DIXDC1: variants seen among roughly 807,000 people sequenced by gnomAD.
The protein encoded by DIXDC1 is dixin.
Under a neutral mutation model 103.1 loss-of-function variants are expected in DIXDC1, and 64 were observed. That is an observed-to-expected ratio of 0.62 (90% confidence interval 0.51 to 0.76). DIXDC1 has a LOEUF of 0.76. Ranked by LOEUF, DIXDC1 falls within the 30% of genes least tolerant of loss-of-function variation. DIXDC1 has a pLI of 0.00. For missense variants in DIXDC1, 759 were observed against 834.2 expected (o/e 0.91, Z 1.11); for synonymous variants, 266 against 298.5 (o/e 0.89, Z 1.12).
At chr11:111,927,951 G>A (rs1258335397) in intron 1 of DIXDC1, among the ~76,000 whole-genome samples, 1 of 147,572 alleles carries the variant, frequency 6.8e-6, no homozygotes, top group Non-Finnish European at 1.5e-5. Flanking sequence ...GGGAGGCGGA[G>A]GTTGCAGTGA....
In DIXDC1 at chr11:111,998,695, G is replaced by A. The variant is rs1168161802; in HGVS notation, c.1756+2549G>A. On this transcript the variant is annotated intron_variant, in intron 17 of 19. Transcript: ENST00000440460. This position sits in a 1 kb window ranked among gnomAD's most constrained non-coding sequence, Gnocchi z 4.1. ...ATTACAGGCGCCCGCCACCACGCCC[G>A]GCTAATTTTTTGTATTTTAGTAGAG... Among the ~76,000 whole-genome samples, 3 of 152,004 alleles carry A rather than the reference G, an allele frequency of 2.0e-5. No individual in the cohort carries two copies. The highest frequency in any genetic ancestry group is 3.4e-3 in the Middle Eastern group (1 of 294).
intron 1 of DIXDC1, among the ~76,000 whole-genome samples, chr11:111,953,921 C>G (rs985665145): frequency 6.6e-6 from 1 of 151,714 alleles, no homozygotes; most frequent in East Asian, 1.9e-4. Context: ...AAATATTTGA[C>G]AAAAGAAACG....
rs1178346419 is a variant in DIXDC1, at chr11:112,019,137, T to A, written c.*101T>A. On this transcript the variant is annotated 3_prime_UTR_variant, in exon 20 of 20. Transcript: ENST00000440460. ...CAGAATACACTAAGAAGTTTCTAGTTTGTGTGCCAAAACAGAAGCTTCTCC... is the reference window on the plus strand; with the variant it reads ...CAGAATACACTAAGAAGTTTCTAGTATGTGTGCCAAAACAGAAGCTTCTCC... 2 of 1,002,222 alleles carry A rather than the reference T, an allele frequency of 2.0e-6. No individual in the cohort carries two copies. Among genetic ancestry groups the A allele is most frequent in the African/African-American group, 3.2e-5 (2 of 62,012 alleles). The allele number at this position is 1,002,222 out of a possible 1,614,324, so 62.1% of individuals were successfully genotyped here.
At chr11:111,946,718 C>T (rs61625528) in intron 1 of DIXDC1, 24,012 of 418,010 alleles carry the variant, frequency 0.057, 3,846 homozygotes, top group African/African-American at 0.39. Flanking sequence ...TTAGGTGTCA[C>T]AGCAGGAACT....
In DIXDC1 at chr11:111,974,131, C is replaced by A; in HGVS notation, c.425C>A (p.Ala142Asp). The A allele has an allele frequency of 6.2e-7, 1 of 1,614,010 alleles. No homozygotes were observed. The highest frequency in any genetic ancestry group is 8.5e-7 in the Non-Finnish European group (1 of 1,179,894). ...GTGAACCAAGGACGGGACTCCAGAG[C>A]CCCTCTGCAAAGTCACCGACCACAC... ...RTVNQGRDSR[A>D]PLQSHRPHCA... Residue 142 changes from alanine (A) to aspartate (D), a missense_variant, in exon 4 of 20, where the codon GCC becomes GAC. Coordinates refer to ENST00000440460, the MANE Select transcript of DIXDC1 (RefSeq NM_001037954.4).
chr11:111,930,719 A>G (rs1965981592), intron 2 of DIXDC1, among the ~76,000 whole-genome samples: 1 of 152,126 alleles, frequency 6.6e-6, no homozygotes, highest in South Asian at 2.1e-4. Flanking sequence ...ATGTCAGGCC[A>G]GGTGAGGTAG....
intron 1 of DIXDC1, among the ~76,000 whole-genome samples, chr11:111,952,120 C>T (rs1966831740): frequency 6.6e-6 from 1 of 152,138 alleles, no homozygotes; most frequent in South Asian, 2.1e-4. Context: ...CCCGCCTCAG[C>T]CTCCCAAAGT....
chr11:112,008,629 A>T (rs1301547321), intron 17 of DIXDC1, among the ~76,000 whole-genome samples: 1 of 152,236 alleles, frequency 6.6e-6, no homozygotes, highest in Non-Finnish European at 1.5e-5. Context: ...GCACAATCAA[A>T]TTAGAACTCA....
chr11:111,937,043 C>G (rs1318369021), upstream of DIXDC1, among the ~76,000 whole-genome samples: 1 of 149,424 alleles, frequency 6.7e-6, no homozygotes, highest in African/African-American at 2.5e-5. Flanking sequence ...ATGCACACAG[C>G]GCGCACATAC....
At chr11:111,989,352 C>T (rs1174489426) in intron 10 of DIXDC1, among the ~76,000 whole-genome samples, 1 of 152,092 alleles carries the variant, frequency 6.6e-6, no homozygotes, top group Non-Finnish European at 1.5e-5. Context: ...GGGCCGGGCG[C>T]GGTGGCTCAC....
chr11:111,943,214 G>A (rs1966474780), intron 1 of DIXDC1, among the ~76,000 whole-genome samples: 1 of 152,190 alleles, frequency 6.6e-6, no homozygotes, highest in African/African-American at 2.4e-5. Flanking sequence ...TCAGCTCACT[G>A]CAACCTCCAC....
At chr11:111,937,019 G>A (rs1002096847), upstream of DIXDC1, among the ~76,000 whole-genome samples, 36 of 151,366 alleles carry the variant, frequency 2.4e-4, no homozygotes, top group Non-Finnish European at 7.4e-5. Flanking sequence ...GTGTGTATGT[G>A]TGTGTGTGTG....
chr11:111,974,908 C>A lies in DIXDC1; in HGVS notation c.581C>A (p.Pro194Gln). The A allele has an allele frequency of 7.4e-6, 12 of 1,613,704 alleles. No homozygotes were observed. Among genetic ancestry groups the A allele is most frequent in the Non-Finnish European group, 1.0e-5 (12 of 1,179,822 alleles). The change falls in exon 5 of 20, where the codon CCA becomes CAA. Residue 194 changes from proline to glutamine, a missense_variant. This residue lies in a region of DIXDC1 where 657 missense variants were observed against 727.5 expected (regional missense o/e 0.90). Transcript: ENST00000440460. Reference sequence around the variant, plus strand: ...AGCATGGATGAGGAAATTGAGAATCCATACTGGAGTGTGCGGGCCCTAGTG... The same window carrying A: ...AGCATGGATGAGGAAATTGAGAATCAATACTGGAGTGTGCGGGCCCTAGTG... ...NSSMDEEIEN[P>Q]YWSVRALVQQ...
chr11:111,985,907 T>C lies in DIXDC1; in HGVS notation c.1008+586T>C, dbSNP rs1860473612. Among the ~76,000 whole-genome samples the C allele has an allele frequency of 3.3e-5, 5 of 152,338 alleles. No homozygotes were observed. The South Asian group carries it at 1.0e-3, about 32-fold the overall frequency. On this transcript the variant is annotated intron_variant, in intron 8 of 19. Coordinates refer to ENST00000440460, the MANE Select transcript of DIXDC1 (RefSeq NM_001037954.4). The stretch of plus-strand genomic sequence containing the variant: ...CCTCTGCCCAACCACCAAAGCTACT[T>C]GTCCTTTTGGATATCTGTTTTGGAT...
At chr11:112,004,917 T>C (rs782609607) in intron 17 of DIXDC1, among the ~76,000 whole-genome samples, 1 of 152,200 alleles carries the variant, frequency 6.6e-6, no homozygotes, top group Non-Finnish European at 1.5e-5. Flanking sequence ...ACAGATACTT[T>C]TACCTCTGTC....
intron 1 of DIXDC1, chr11:111,945,824 A>G (rs1366740989): frequency 6.6e-6 from 1 of 152,516 alleles, no homozygotes; most frequent in Admixed American, 6.5e-5. Flanking sequence ...GCTGGAGTGC[A>G]GTGGCACGAT....
At chr11:111,939,383 TG>T (rs1555168602) in intron 1 of DIXDC1, among the ~76,000 whole-genome samples, 7 of 152,230 alleles carry the variant, frequency 4.6e-5, no homozygotes, top group Non-Finnish European at 2.9e-5. Context: ...GTGGTCTTTT[TG>T]TGGTGGTAAT....
At position 111,996,126 on chromosome 11, in the gene DIXDC1, A is replaced by T. The variant is rs1860891873; in HGVS notation, c.1736A>T (p.Glu579Val). ...PRTQVGSEYR[E>V]SWPPNSKLPH... ...ACTCAAGTAGGTAGTGAATACCGGG[A>T]GTCCTGGCCCCCTAACTCAAGTAAG... The change falls in exon 17 of 20, where the codon GAG becomes GTG. Residue 579 changes from glutamate (E) to valine (V), a missense_variant. Glu to Val is a moderately radical substitution (Grantham distance 121, BLOSUM62 -2). Around this residue, in one of 3 missense-constraint regions of DIXDC1, gnomAD observed 657 missense variants for 727.5 expected, o/e 0.90. Transcript: ENST00000440460. 1 of 1,613,632 alleles carries T rather than the reference A, an allele frequency of 6.2e-7. No homozygotes were observed.
Position 111,958,522 on chromosome 11 carries a change from C to T in DIXDC1, c.61-6027C>T, listed in dbSNP as rs1256876021. On this transcript the variant is annotated intron_variant, in intron 1 of 19. Coordinates refer to ENST00000440460, the MANE Select transcript of DIXDC1 (RefSeq NM_001037954.4). This position sits in a 1 kb window ranked among gnomAD's most constrained non-coding sequence, Gnocchi z 4.2. ...ATGCCAGCCCCCTGCTGCCTTAGCT[C>T]CCTCTGGACTTTGGGTGCCGAAAAG... Among the ~76,000 whole-genome samples the T allele has an allele frequency of 6.6e-6, 1 of 152,206 alleles. No individual in the cohort carries two copies. Among genetic ancestry groups the T allele is most frequent in the African/African-American group, 2.4e-5 (1 of 41,460 alleles).
Sources: gnomAD v4.1 joint callset for allele counts (sites outside exome capture counted in the v4.1 genomes callset) on GRCh38, gnomAD v4.1.1 for gene constraint, gnomAD v4.1.1 regional missense constraint, Gnocchi (gnomAD v3.1) non-coding constraint, MANE v1.5 for transcripts, NCBI Gene and HGNC (gene_info 2026-07-23, HGNC 2026-07-21) for gene names.